Variants in MCTP2 observed in about 807,000 individuals in gnomAD.
MCTP2 encodes the protein multiple C2 and transmembrane domain-containing protein 2.
In MCTP2, 132 loss-of-function variants were observed where a neutral mutation model predicts 111.6. The ratio of observed to expected loss-of-function variants is 1.18; its 90% confidence interval spans 1.03 to 1.37. MCTP2 has a LOEUF of 1.37. MCTP2 is among the 40% of genes most tolerant of loss of function. The probability of loss-of-function intolerance (pLI) is 0.00; values close to 1 mark genes in which losing one functional copy is unlikely to be tolerated. For synonymous variants in MCTP2, 395 were observed against 387.7 expected, an observed-to-expected ratio of 1.02 and a Z score of -0.22; for missense variants, 1,183 against 1,067.9, an observed-to-expected ratio of 1.11 and a Z score of -1.50.
intron 2 of MCTP2, among the ~76,000 whole-genome samples, chr15:94,301,440 A>G (rs1196257381): frequency 6.6e-6 from 1 of 152,172 alleles, no homozygotes; most frequent in Non-Finnish European, 1.5e-5. Context: ...CTGTCCCACT[A>G]CCAGTTTATC....
intron 14 of MCTP2, among the ~76,000 whole-genome samples, chr15:94,398,278 A>C (rs1167717409): frequency 6.6e-6 from 1 of 152,190 alleles, no homozygotes; most frequent in African/African-American, 2.4e-5. Context: ...AGCACCATTA[A>C]AACCAGCTCC....
Position 94,385,530 on chromosome 15 carries a change from G to A in MCTP2, c.1788+5G>A. On this transcript the variant is annotated splice_donor_5th_base_variant and intron_variant, in intron 14 of 22. Transcript: ENST00000357742. ...GTTGCCATTCCCTTGCTGTCCGTAA[G>A]TTTCCTTTATTAATAAACAATTTGT... 6.3e-7 allele frequency: 1 copy of A among 1,587,626 alleles called. No individual in the cohort carries two copies. The highest frequency in any genetic ancestry group is 8.6e-7 in the Non-Finnish European group (1 of 1,156,418).
chr15:94,373,976 C>G (rs1174854684), intron 12 of MCTP2, among the ~76,000 whole-genome samples: 3 of 152,216 alleles, frequency 2.0e-5, no homozygotes, highest in African/African-American at 7.2e-5. Flanking sequence ...ACATACTTCA[C>G]TCAGCTACTG....
intron 20 of MCTP2, among the ~76,000 whole-genome samples, chr15:94,461,874 A>G (rs550189251): frequency 6.6e-6 from 1 of 152,250 alleles, no homozygotes; most frequent in South Asian, 2.1e-4. Context: ...GACATGGGGA[A>G]TGAGAGACAG....
At chr15:94,356,656 A>G (rs2078642980) in intron 9 of MCTP2, among the ~76,000 whole-genome samples, 1 of 152,212 alleles carries the variant, frequency 6.6e-6, no homozygotes, top group African/African-American at 2.4e-5. Context: ...ATAGCATAAT[A>G]CGTGATATTT....
At chr15:94,459,102 G>T (rs1163373056) in intron 20 of MCTP2, among the ~76,000 whole-genome samples, 1 of 152,126 alleles carries the variant, frequency 6.6e-6, no homozygotes, top group Admixed American at 6.5e-5. Context: ...ATAAGTGGAA[G>T]GTTTTTAATT....
At chr15:94,434,907 A>G (rs1354842320) in intron 17 of MCTP2, among the ~76,000 whole-genome samples, 1 of 143,914 alleles carries the variant, frequency 6.9e-6, no homozygotes, top group Non-Finnish European at 1.5e-5. Context: ...TCCTTCACCC[A>G]GGCTAGAGTG....
intron 8 of MCTP2, among the ~76,000 whole-genome samples, chr15:94,354,573 C>G (rs1483703735): frequency 6.6e-6 from 1 of 152,190 alleles, no homozygotes; most frequent in Non-Finnish European, 1.5e-5. Flanking sequence ...TCCCCAGCCA[C>G]GCTGCACTGA....
At chr15:94,467,266 GAA>G (rs1180729819) in intron 20 of MCTP2, among the ~76,000 whole-genome samples, 12 of 152,042 alleles carry the variant, frequency 7.9e-5, no homozygotes, top group Admixed American at 2.0e-4. Context: ...CTTCCAGGGT[GAA>G]AAAAGAGTGG....
chr15:94,245,416 A>G (rs1318941644), intron 1 of MCTP2, among the ~76,000 whole-genome samples: 1 of 137,770 alleles, frequency 7.3e-6, no homozygotes, highest in South Asian at 2.2e-4. Context: ...ATATTTATAT[A>G]CATGTGTGTA....
intron 19 of MCTP2, among the ~76,000 whole-genome samples, chr15:94,445,482 C>T (rs1022226179): frequency 7.9e-5 from 12 of 151,962 alleles, no homozygotes; most frequent in Middle Eastern, 3.2e-3. Flanking sequence ...CATCCTTGTC[C>T]ATCTCTTTTC....
chr15:94,458,378 T>G, intron 20 of MCTP2, 132 bp downstream of exon 20: 4 of 625,640 alleles, frequency 6.4e-6, no homozygotes, highest in Non-Finnish European at 8.7e-6. Flanking sequence ...ACTGTTGGGT[T>G]AGCACTGTCT....
intron 4 of MCTP2, among the ~76,000 whole-genome samples, chr15:94,320,244 G>A (rs1596348002): frequency 6.7e-6 from 1 of 149,998 alleles, no homozygotes; most frequent in African/African-American, 2.5e-5. Flanking sequence ...CTGGGTTCAC[G>A]CCATTCTCCT....
intron 21 of MCTP2, among the ~76,000 whole-genome samples, chr15:94,473,723 C>G (rs182565157): frequency 6.6e-6 from 1 of 152,312 alleles, no homozygotes; most frequent in East Asian, 1.9e-4. Flanking sequence ...TGTATCTTCA[C>G]TTGATAGCAC....
At chr15:94,232,114 C>T (rs527934655) in intron 1 of MCTP2, 16 of 152,246 alleles carry the variant, frequency 1.1e-4, no homozygotes, top group African/African-American at 3.6e-4. Context: ...GAGCAGAAAT[C>T]CTTGGGATAA....
At chr15:94,292,028 C>T (rs1191415484) in intron 1 of MCTP2, among the ~76,000 whole-genome samples, 1 of 151,986 alleles carries the variant, frequency 6.6e-6, no homozygotes, top group African/African-American at 2.4e-5. Flanking sequence ...TAGCCACCAC[C>T]TTAAGAAAAT....
At chr15:94,402,722 A>C in intron 17 of MCTP2, 1 of 1,441,404 alleles carries the variant, frequency 6.9e-7, no homozygotes, top group East Asian at 2.5e-5. Context: ...GTCCTTGATC[A>C]AATTGGTAAT....
intron 4 of MCTP2, among the ~76,000 whole-genome samples, chr15:94,330,555 AGTATT>A (rs1171891972): frequency 1.3e-5 from 2 of 151,488 alleles, no homozygotes; most frequent in Non-Finnish European, 2.9e-5. Flanking sequence ...TTTTTATTGT[AGTATT>A]CTAGCTGCTG....
chr15:94,253,158 C>A (rs2072553298), intron 1 of MCTP2, among the ~76,000 whole-genome samples: 1 of 152,158 alleles, frequency 6.6e-6, no homozygotes, highest in Non-Finnish European at 1.5e-5. Flanking sequence ...CAGCACCCAG[C>A]CTTGTTTGCT....
Sources: gnomAD v4.1 joint callset for allele counts (sites outside exome capture counted in the v4.1 genomes callset) on GRCh38, gnomAD v4.1.1 for gene constraint, MANE v1.5 for transcripts, NCBI Gene and HGNC (gene_info 2026-07-23, HGNC 2026-07-21) for gene names.